Variants in ADGRV1 observed in about 807,000 individuals in gnomAD.
The protein encoded by ADGRV1 is adhesion G protein-coupled receptor V1.
ADGRV1 carries 359 observed loss-of-function variants against 596.2 expected under a neutral mutation model. That is an observed-to-expected ratio of 0.60 (90% CI 0.55 to 0.66). ADGRV1 has a LOEUF of 0.66. ADGRV1 is among the 30% of genes least tolerant of loss of function. The pLI is 0.00. For missense variants in ADGRV1, 7,274 were observed against 7,575.6 expected (o/e 0.96, Z 1.48); for synonymous variants, 2,681 against 2,679.2 (o/e 1.00, Z -0.02).
chr5:90,839,050 T>G (rs1281394041), intron 77 of ADGRV1, among the ~76,000 whole-genome samples: 2 of 152,228 alleles, frequency 1.3e-5, no homozygotes, highest in East Asian at 3.9e-4. Flanking sequence ...CCCTACTATA[T>G]CCTAATATAC....
intron 77 of ADGRV1, among the ~76,000 whole-genome samples, chr5:90,834,871 TTCTC>T (rs1024714123): frequency 2.6e-5 from 4 of 151,694 alleles, no homozygotes; most frequent in African/African-American, 7.3e-5. Flanking sequence ...TTTTCTTTCT[TTCTC>T]TTTCTTTCTT....
chr5:90,908,422 T>C (rs1274006460), intron 83 of ADGRV1, among the ~76,000 whole-genome samples: 1 of 152,210 alleles, frequency 6.6e-6, no homozygotes, highest in East Asian at 1.9e-4. Flanking sequence ...TTTTTTATGA[T>C]AGCCTGTTAT....
intron 34 of ADGRV1, among the ~76,000 whole-genome samples, chr5:90,699,716 G>C (rs147077985): frequency 1.3e-5 from 2 of 152,166 alleles, no homozygotes; most frequent in Non-Finnish European, 2.9e-5. Flanking sequence ...AGGCCCTCCT[G>C]CTGGGTACCA....
Position 90,684,148 on chromosome 5 carries a change from T to A in ADGRV1, c.6227T>A (p.Ile2076Asn). 6.2e-7 allele frequency: 1 copy of A among 1,613,822 alleles called. No homozygotes were observed. Among genetic ancestry groups the A allele is most frequent in the Non-Finnish European group, 8.5e-7 (1 of 1,179,826 alleles). The change falls in exon 28 of 90, where the codon ATC becomes AAC. Residue 2076 changes from isoleucine (I) to asparagine (N), a missense_variant. Around this residue, in one of 5 missense-constraint regions of ADGRV1, gnomAD observed 3,643 missense variants for 3,809.2 expected, o/e 0.96. Coordinates refer to ENST00000405460, the MANE Select transcript of ADGRV1 (RefSeq NM_032119.4). ...CCAGAAAGGTCCGAATCTGTCTTTA[T>A]CGAACTACTCAACTCTACTTTAGTA... The part of the protein sequence containing the change: ...DEPERSESVF[I>N]ELLNSTLVAK...
intron 29 of ADGRV1, among the ~76,000 whole-genome samples, chr5:90,689,133 C>T (rs1746115632): frequency 6.6e-6 from 1 of 152,088 alleles, no homozygotes; most frequent in African/African-American, 2.4e-5. Flanking sequence ...AAAAATAAAT[C>T]ATCTGGCCAT....
At chr5:90,646,256 T>C (rs750270269) in intron 16 of ADGRV1, among the ~76,000 whole-genome samples, 165 bp downstream of exon 16, 1 of 152,012 alleles carries the variant, frequency 6.6e-6, no homozygotes, top group African/African-American at 2.4e-5. Flanking sequence ...TAAAGCACAA[T>C]TGATGCTTGT....
At chr5:91,114,817 T>A (rs562415274) in intron 87 of ADGRV1, among the ~76,000 whole-genome samples, 1 of 152,188 alleles carries the variant, frequency 6.6e-6, no homozygotes, top group African/African-American at 2.4e-5. Flanking sequence ...TTTCCTCTCA[T>A]GCACAGGCAG....
intron 79 of ADGRV1, among the ~76,000 whole-genome samples, chr5:90,851,099 TAGG>T (rs1766437750): frequency 4.1e-5 from 1 of 24,676 alleles, no homozygotes. Flanking sequence ...GTAAGCTAGG[TAGG>T]GTGTGTGTGT....
At chr5:90,754,701 A>T (rs903356482) in intron 54 of ADGRV1, among the ~76,000 whole-genome samples, 3 of 152,128 alleles carry the variant, frequency 2.0e-5, no homozygotes, top group African/African-American at 7.2e-5. Context: ...TTTCTGTTAA[A>T]GTGTATGACA....
chr5:90,783,437 A>G, intron 66 of ADGRV1, 112 bp downstream of exon 66: 1 of 773,162 alleles, frequency 1.3e-6, no homozygotes, highest in Non-Finnish European at 2.1e-6. Context: ...GTCCATTGGA[A>G]AACAACAGGT....
chr5:90,612,815 A>G (rs1396637260), intron 1 of ADGRV1, among the ~76,000 whole-genome samples: 8 of 152,104 alleles, frequency 5.3e-5, no homozygotes, highest in African/African-American at 1.9e-4. Context: ...ACTCATAACT[A>G]CAAATTTGGC....
In ADGRV1 at chr5:91,102,311, G is replaced by A. The variant is rs1401295187; in HGVS notation, c.18403G>A (p.Val6135Ile). ...GGCCTACAGACACTTCTGGATGTTG[G>A]TTCTCTTTGTCATTTTCAACAGTCT... Reference protein sequence around the residue: ...HMAYRHFWMLVLFVIFNSLQG... With the variant: ...HMAYRHFWMLILFVIFNSLQG... The change falls in exon 87 of 90, where the codon GTT (valine) becomes ATT (isoleucine). Residue 6135 changes from valine to isoleucine, a missense_variant. Physicochemically the swap from Val to Ile is conservative, Grantham distance 29 (BLOSUM62 3). Around this residue, in one of 5 missense-constraint regions of ADGRV1, gnomAD observed 1,874 missense variants for 1,970.2 expected, o/e 0.95. Coordinates refer to ENST00000405460, the MANE Select transcript of ADGRV1 (RefSeq NM_032119.4). The A allele has an allele frequency of 2.5e-6, 4 of 1,603,680 alleles. No individual in the cohort carries two copies. The highest frequency in any genetic ancestry group is 1.1e-5 in the South Asian group (1 of 88,864).
intron 1 of ADGRV1, among the ~76,000 whole-genome samples, chr5:90,610,911 T>C (rs965915520): frequency 6.6e-6 from 1 of 151,986 alleles, no homozygotes; most frequent in Non-Finnish European, 1.5e-5. Flanking sequence ...ATTTCCAGAC[T>C]GTGGGAGAAC....
intron 83 of ADGRV1, among the ~76,000 whole-genome samples, chr5:90,935,071 C>T (rs929020657): frequency 2.0e-5 from 3 of 152,174 alleles, no homozygotes; most frequent in African/African-American, 7.2e-5. Flanking sequence ...ATGTTCAATC[C>T]ATAACAGTTT....
intron 86 of ADGRV1, among the ~76,000 whole-genome samples, chr5:91,098,267 A>G (rs977591049): frequency 6.6e-6 from 1 of 152,058 alleles, no homozygotes; most frequent in Non-Finnish European, 1.5e-5. Context: ...TTTAACAACA[A>G]CATGCCCCCC....
chr5:91,048,086 A>G (rs1178789580), intron 85 of ADGRV1, among the ~76,000 whole-genome samples: 1 of 151,858 alleles, frequency 6.6e-6, no homozygotes, highest in African/African-American at 2.4e-5. Context: ...CACTTCTGCT[A>G]ATTAATCTTT....
chr5:90,579,523 C>T (rs999976423), intron 1 of ADGRV1, among the ~76,000 whole-genome samples: 9 of 152,062 alleles, frequency 5.9e-5, no homozygotes, highest in African/African-American at 2.2e-4. Flanking sequence ...GCTTTGGTTC[C>T]AATTATGTGG....
At position 90,774,310 on chromosome 5, in the gene ADGRV1, G is replaced by A. The variant is rs1326519618; in HGVS notation, c.12403+7G>A. ...GAAATATCTCCAGTAAAAGGTAAGA[G>A]AAATTCACATTTTTGGAAATTAAAA... On this transcript the variant is annotated splice_region_variant and intron_variant, in intron 60 of 89. Coordinates refer to ENST00000405460, the MANE Select transcript of ADGRV1 (RefSeq NM_032119.4). 7.0e-7 allele frequency: 1 copy of A among 1,436,760 alleles called. No homozygotes were observed. The highest frequency in any genetic ancestry group is 1.2e-5 in the South Asian group (1 of 86,542). The allele number at this position is 1,436,760 out of a possible 1,614,324, so 89.0% of individuals were successfully genotyped here.
intron 50 of ADGRV1, among the ~76,000 whole-genome samples, chr5:90,736,300 C>A (rs1753209576): frequency 6.6e-6 from 1 of 152,022 alleles, no homozygotes; most frequent in African/African-American, 2.4e-5. Flanking sequence ...ATTGAACCAT[C>A]CATAAATTCC....
Sources: allele counts gnomAD v4.1 joint callset (sites outside exome capture counted in the v4.1 genomes callset), GRCh38; gene constraint gnomAD v4.1.1; regional missense constraint gnomAD v4.1.1; transcripts MANE v1.5; gene names NCBI Gene and HGNC (gene_info 2026-07-23, HGNC 2026-07-21).